CHD7: variants seen among roughly 807,000 people sequenced by gnomAD.
CHD7 encodes chromodomain helicase DNA binding protein 7.
In CHD7, 24 loss-of-function variants were observed where a neutral mutation model predicts 307.3. The ratio of observed to expected loss-of-function variants is 0.08; its 90% CI spans 0.06 to 0.11. CHD7 has a LOEUF of 0.11. Ranked by LOEUF, CHD7 falls within the 10% of genes least tolerant of loss-of-function variation. The pLI is 1.00. For synonymous variants in CHD7, 1,363 were observed against 1,349.9 expected (o/e 1.01, Z -0.21); for missense variants, 3,106 against 3,727.1 (o/e 0.83, Z 4.34).
chr8:60,729,717 C>G (rs1349326296), intron 1 of CHD7, among the ~76,000 whole-genome samples: 1 of 152,192 alleles, frequency 6.6e-6, no homozygotes, highest in Non-Finnish European at 1.5e-5. Context: ...AAATTATTTT[C>G]ATCATTCTCA....
At chr8:60,822,891 G>A (rs971672009) in intron 12 of CHD7, 145 bp downstream of exon 12, 7 of 593,494 alleles carry the variant, frequency 1.2e-5, no homozygotes, top group Non-Finnish European at 1.9e-5. Context: ...ATTTACATTT[G>A]TATTATCTTT....
intron 1 of CHD7, among the ~76,000 whole-genome samples, chr8:60,699,047 C>T (rs745982532): frequency 6.6e-6 from 1 of 152,318 alleles, no homozygotes; most frequent in Middle Eastern, 3.4e-3. Context: ...CCCTGGCTGA[C>T]TCTGGAGCTT....
At chr8:60,827,085 G>A (rs1268585002) in intron 13 of CHD7, among the ~76,000 whole-genome samples, 1 of 152,170 alleles carries the variant, frequency 6.6e-6, no homozygotes, top group African/African-American at 2.4e-5. Context: ...AAAGGATTTT[G>A]TGTATAATCA....
At chr8:60,827,827 A>G (rs1287604231) in intron 13 of CHD7, among the ~76,000 whole-genome samples, 4 of 151,978 alleles carry the variant, frequency 2.6e-5, no homozygotes, top group Non-Finnish European at 5.9e-5. Context: ...TTAAGTCAGA[A>G]TATTGCTTTC....
At chr8:60,703,376 A>G (rs977624705) in intron 1 of CHD7, among the ~76,000 whole-genome samples, 25 of 152,202 alleles carry the variant, frequency 1.6e-4, no homozygotes, top group Admixed American at 1.5e-3. Flanking sequence ...TAGCACCAGA[A>G]TGAAAGGCCT....
rs201056061 is a variant in CHD7, at chr8:60,816,113, GTCTCTCTCTC to G, written c.2499-242_2499-233del. 1.5e-3 allele frequency among the ~76,000 whole-genome samples: 207 copies of G among 139,316 alleles called. 2 individuals carry two copies. Among genetic ancestry groups the G allele is most frequent in the Non-Finnish European group, 2.2e-3 (143 of 65,594 alleles). The allele number at this position is 139,316 out of a possible 152,430, so 91.4% of individuals were successfully genotyped here. A position where few individuals can be genotyped will look rare whatever the true frequency, so the allele number is the denominator to read the frequency against. Reference sequence around the variant, plus strand: ...GTCTCTTTTGTCTGTCTGTCTGTCTGTCTCTCTCTCTCTCTCTCTCTCTCTCTCTCTCTCT... The same window carrying G: ...GTCTCTTTTGTCTGTCTGTCTGTCTGTCTCTCTCTCTCTCTCTCTCTCTCT... On this transcript the variant is annotated intron_variant, in intron 7 of 37. Coordinates refer to ENST00000423902, the MANE Select transcript of CHD7 (RefSeq NM_017780.4).
intron 23 of CHD7, among the ~76,000 whole-genome samples, chr8:60,845,698 C>T (rs916253178): frequency 2.0e-5 from 3 of 152,154 alleles, no homozygotes; most frequent in Non-Finnish European, 4.4e-5. Context: ...GGAGAGCGTA[C>T]CTTTAGGTGA....
Position 60,742,342 on chromosome 8 carries a change from A to G in CHD7, c.910A>G (p.Ile304Val), listed in dbSNP as rs1274555136. 7 of 1,613,896 alleles carry G rather than the reference A, an allele frequency of 4.3e-6. No homozygotes were observed. The Admixed American group carries it at 6.7e-5, about 15-fold the overall frequency. Reference sequence around the variant, plus strand: ...GAGCCAGACAGTCCCCTCTCCTACTATAAACAACTCAGGGCAGTATTCTCG... The same window carrying G: ...GAGCCAGACAGTCCCCTCTCCTACTGTAAACAACTCAGGGCAGTATTCTCG... Reference protein sequence around the residue: ...SRSQTVPSPTINNSGQYSRYP... With the variant: ...SRSQTVPSPTVNNSGQYSRYP... Residue 304 changes from isoleucine (I) to valine (V), a missense_variant, in exon 2 of 38, where the codon ATA (isoleucine) becomes GTA (valine). Ile to Val is a conservative substitution (Grantham distance 29). This residue lies in a region of CHD7 where 998 missense variants were observed against 1,004.5 expected (regional missense o/e 0.99). Coordinates refer to ENST00000423902, the MANE Select transcript of CHD7 (RefSeq NM_017780.4).
chr8:60,758,314 G>T (rs1039085947), intron 2 of CHD7, among the ~76,000 whole-genome samples: 6 of 152,014 alleles, frequency 3.9e-5, no homozygotes, highest in African/African-American at 2.4e-5. Context: ...TGTGGAGATG[G>T]GGTTTCACCG....
At chr8:60,736,572 T>C (rs1435611853) in intron 1 of CHD7, among the ~76,000 whole-genome samples, 2 of 152,190 alleles carry the variant, frequency 1.3e-5, no homozygotes, top group South Asian at 4.1e-4. Flanking sequence ...AGAATCATTA[T>C]CACAGTGATG....
At chr8:60,855,601 A>G (rs757986567) in intron 32 of CHD7, among the ~76,000 whole-genome samples, 1 of 152,226 alleles carries the variant, frequency 6.6e-6, no homozygotes, top group African/African-American at 2.4e-5. Flanking sequence ...CAGGGTTTCC[A>G]TTGTCATCTA....
intron 7 of CHD7, among the ~76,000 whole-genome samples, chr8:60,815,920 A>G (rs961720051): frequency 1.3e-5 from 2 of 152,226 alleles, no homozygotes; most frequent in South Asian, 2.1e-4. Context: ...AGAAACTGCT[A>G]TTTTAAATTT....
At chr8:60,754,244 T>C (rs932132513) in intron 2 of CHD7, among the ~76,000 whole-genome samples, 7 of 152,316 alleles carry the variant, frequency 4.6e-5, no homozygotes, top group African/African-American at 1.4e-4. Context: ...TCCATTTAAA[T>C]GTGGCTCTTC....
intron 12 of CHD7, among the ~76,000 whole-genome samples, chr8:60,823,098 TTTA>T (rs1045845285): frequency 3.3e-5 from 5 of 152,196 alleles, no homozygotes; most frequent in South Asian, 2.1e-4. Context: ...GAAAGAATAT[TTTA>T]TTATGCTATT....
At chr8:60,841,049 C>G (rs896811523) in intron 19 of CHD7, among the ~76,000 whole-genome samples, 1 of 152,196 alleles carries the variant, frequency 6.6e-6, no homozygotes, top group African/African-American at 2.4e-5. Flanking sequence ...CAACTTGTGA[C>G]TCTGGTTATG....
intron 3 of CHD7, among the ~76,000 whole-genome samples, chr8:60,782,653 CAG>C (rs34298745): frequency 6.6e-6 from 1 of 152,206 alleles, no homozygotes; most frequent in Non-Finnish European, 1.5e-5. Flanking sequence ...TTTGATGCCT[CAG>C]TGTGTGGTCT....
At chr8:60,818,557 C>T (rs1209539381) in intron 8 of CHD7, among the ~76,000 whole-genome samples, 1 of 152,180 alleles carries the variant, frequency 6.6e-6, no homozygotes, top group East Asian at 1.9e-4. Flanking sequence ...TACACTAATA[C>T]TTTATATTAA....
At chr8:60,794,671 G>A (rs934145372) in intron 3 of CHD7, among the ~76,000 whole-genome samples, 4 of 152,146 alleles carry the variant, frequency 2.6e-5, no homozygotes, top group Non-Finnish European at 4.4e-5. Context: ...TTAAAAATTC[G>A]ATAGCAAAAC....
intron 2 of CHD7, among the ~76,000 whole-genome samples, chr8:60,751,896 G>C (rs1162456802): frequency 2.0e-5 from 3 of 152,158 alleles, no homozygotes; most frequent in Non-Finnish European, 4.4e-5. Flanking sequence ...CATCTTGCTT[G>C]TTTTTTATCC....
Sources: allele counts gnomAD v4.1 joint callset (sites outside exome capture counted in the v4.1 genomes callset), GRCh38; gene constraint gnomAD v4.1.1; regional missense constraint gnomAD v4.1.1; transcripts MANE v1.5; gene names NCBI Gene and HGNC (gene_info 2026-07-23, HGNC 2026-07-21).